NLN: variants seen among roughly 807,000 people sequenced by gnomAD.
NLN encodes neurolysin, mitochondrial.
In NLN, 64 loss-of-function variants were observed where a neutral mutation model predicts 79.9. That is an observed-to-expected ratio of 0.80 (90% CI 0.65 to 0.99). The LOEUF is 0.99. NLN is among the 50% of genes least tolerant of loss of function. NLN has a pLI of 0.00. For synonymous variants in NLN, 267 were observed against 296.6 expected, an observed-to-expected ratio of 0.90 and a Z score of 1.02; for missense variants, 835 against 858.7, an observed-to-expected ratio of 0.97 and a Z score of 0.34.
intron 1 of NLN, among the ~76,000 whole-genome samples, chr5:65,739,373 T>C (rs1758823242): frequency 6.6e-6 from 1 of 152,172 alleles, no homozygotes; most frequent in Non-Finnish European, 1.5e-5. Flanking sequence ...GGCTGAATAA[T>C]ATTTCATTGT....
At chr5:65,750,274 G>C (rs548583235) in intron 1 of NLN, among the ~76,000 whole-genome samples, 50 of 152,322 alleles carry the variant, frequency 3.3e-4, no homozygotes, top group Non-Finnish European at 5.6e-4. Flanking sequence ...AATGTGCCTG[G>C]TACAACTGAG....
At chr5:65,812,501 C>T in intron 12 of NLN, 110 bp downstream of exon 12, 1 of 701,418 alleles carries the variant, frequency 1.4e-6, no homozygotes, top group Non-Finnish European at 2.4e-6. Context: ...GGCTTGGTAA[C>T]AGCTTTTACC....
intron 9 of NLN, chr5:65,793,704 A>G (rs761431558): frequency 1.3e-5 from 2 of 152,166 alleles, no homozygotes; most frequent in South Asian, 2.1e-4. Flanking sequence ...CAAATTTGAA[A>G]TCTCTGTATG....
At chr5:65,768,751 A>C (rs554894739) in intron 3 of NLN, among the ~76,000 whole-genome samples, 41 of 152,344 alleles carry the variant, frequency 2.7e-4, no homozygotes, top group Non-Finnish European at 3.5e-4. Flanking sequence ...GTGTGTGCAC[A>C]TGGCACGGGT....
At chr5:65,727,810 A>C (rs1758511682) in intron 1 of NLN, among the ~76,000 whole-genome samples, 2 of 152,202 alleles carry the variant, frequency 1.3e-5, no homozygotes, top group Non-Finnish European at 2.9e-5. Context: ...TCTGTTGCCC[A>C]GGCTGGAATA....
intron 1 of NLN, among the ~76,000 whole-genome samples, chr5:65,742,105 A>G (rs1008005375): frequency 6.6e-6 from 1 of 152,138 alleles, no homozygotes; most frequent in Non-Finnish European, 1.5e-5. Flanking sequence ...ATTTTTATTC[A>G]TATCTCTTAA....
chr5:65,752,504 AAGTC>A, intron 1 of NLN, among the ~76,000 whole-genome samples: 1 of 152,208 alleles, frequency 6.6e-6, no homozygotes, highest in East Asian at 1.9e-4. Flanking sequence ...CACTTGCAAA[AAGTC>A]AGAGAAAAAT....
intron 3 of NLN, 88 bp from the exon 4 acceptor site, chr5:65,777,339 T>C: frequency 1.2e-6 from 1 of 853,668 alleles, no homozygotes; most frequent in East Asian, 2.4e-5. Context: ...CCAACGGAGA[T>C]GATGAATAAA....
At chr5:65,727,155 G>A (rs1455326337) in intron 1 of NLN, among the ~76,000 whole-genome samples, 2 of 152,118 alleles carry the variant, frequency 1.3e-5, no homozygotes, top group Non-Finnish European at 2.9e-5. Flanking sequence ...CCTCTTTCAA[G>A]TTATGTACCT....
intron 3 of NLN, among the ~76,000 whole-genome samples, chr5:65,767,745 A>G (rs1166180482): frequency 1.3e-5 from 2 of 152,186 alleles, no homozygotes; most frequent in African/African-American, 4.8e-5. Flanking sequence ...ATTTCAAACC[A>G]TCTCTTTGTG....
intron 9 of NLN, among the ~76,000 whole-genome samples, chr5:65,796,366 C>G (rs538839359): frequency 1.3e-5 from 2 of 152,048 alleles, no homozygotes; most frequent in Non-Finnish European, 2.9e-5. Flanking sequence ...CACTTTAGTA[C>G]TAGAAAGATC....
chr5:65,725,289 A>G (rs183887221), intron 1 of NLN, among the ~76,000 whole-genome samples: 202 of 152,358 alleles, frequency 1.3e-3, no homozygotes, highest in African/African-American at 4.5e-3. Context: ...TTTTAAAGAT[A>G]ATCATGGATG....
At chr5:65,799,152 G>T (rs1760229359) in intron 9 of NLN, among the ~76,000 whole-genome samples, 1 of 152,176 alleles carries the variant, frequency 6.6e-6, no homozygotes, top group Non-Finnish European at 1.5e-5. Context: ...AAAATGCTGG[G>T]ATTACAGGTG....
At chr5:65,812,140 T>C (rs1760561154) in intron 11 of NLN, 115 bp from the exon 12 acceptor site, 2 of 815,874 alleles carry the variant, frequency 2.5e-6, no homozygotes, top group Non-Finnish European at 4.2e-6. Flanking sequence ...GGTGAGATCA[T>C]GTCATTCATT....
chr5:65,814,459 C>G (rs1258964263), intron 12 of NLN, among the ~76,000 whole-genome samples: 1 of 152,142 alleles, frequency 6.6e-6, no homozygotes, highest in Non-Finnish European at 1.5e-5. Context: ...TTCATCTGTG[C>G]ATCTCAAAAA....
chr5:65,799,252 G>A (rs1173291092), intron 9 of NLN, among the ~76,000 whole-genome samples: 1 of 152,010 alleles, frequency 6.6e-6, no homozygotes, highest in Non-Finnish European at 1.5e-5. Context: ...TGGTAGGATG[G>A]GGTTCAAAAG....
Position 65,827,644 on chromosome 5 carries a change from A to C in NLN, c.*4729A>C, listed in dbSNP as rs1047100067. ...TTTCAAGTCATTTGGCTAAAAATGA[A>C]AAAAAAGTCCCATAAAAAGGTATCA... is the stretch of plus-strand genomic sequence containing the variant. On this transcript the variant is annotated 3_prime_UTR_variant, in exon 13 of 13. Transcript: ENST00000380985. The C allele has an allele frequency of 1.3e-5, 2 of 152,076 alleles. No individual in the cohort carries two copies. The highest frequency in any genetic ancestry group is 2.9e-5 in the Non-Finnish European group (2 of 67,954). The allele number at this position is 152,076 out of a possible 1,614,324, so 9.4% of individuals were successfully genotyped here.
intron 5 of NLN, among the ~76,000 whole-genome samples, chr5:65,780,665 T>TTTTTC (rs1013013153): frequency 4.6e-5 from 7 of 152,056 alleles, no homozygotes; most frequent in African/African-American, 9.7e-5. Context: ...TCCTGGGTCT[T>TTTTTC]TTTTCTTTTC....
At chr5:65,727,015 C>A (rs62368876) in intron 1 of NLN, among the ~76,000 whole-genome samples, 35,857 of 151,986 alleles carry the variant, frequency 0.24, 4,325 homozygotes, top group African/African-American at 0.27. Flanking sequence ...AGGCCAGCTT[C>A]CAGCTAGGAT....
Sources: gnomAD v4.1 joint callset for allele counts (sites outside exome capture counted in the v4.1 genomes callset) on GRCh38, gnomAD v4.1.1 for gene constraint, MANE v1.5 for transcripts, NCBI Gene and HGNC (gene_info 2026-07-23, HGNC 2026-07-21) for gene names.